Variants in DNMBP observed in about 807,000 individuals in gnomAD.
DNMBP encodes the protein dynamin-binding protein.
DNMBP carries 87 observed loss-of-function variants against 150.0 expected under a neutral mutation model. That is an observed-to-expected ratio of 0.58 (90% CI 0.49 to 0.69). DNMBP has a LOEUF of 0.69. Ranked by LOEUF, DNMBP falls within the 30% of genes least tolerant of loss-of-function variation. DNMBP has a pLI of 0.00. For missense variants in DNMBP, 1,774 were observed against 1,949.0 expected, an observed-to-expected ratio of 0.91 and a Z score of 1.69; for synonymous variants, 711 against 750.4, an observed-to-expected ratio of 0.95 and a Z score of 0.86.
chr10:99,936,962 G>C (rs111612040), intron 4 of DNMBP, among the ~76,000 whole-genome samples: 266 of 152,220 alleles, frequency 1.7e-3, no homozygotes, highest in African/African-American at 5.4e-3. Context: ...GCAGTGGCAT[G>C]ATCTTGGCTC....
intron 16 of DNMBP, 94 bp downstream of exon 16, chr10:99,879,717 G>T: frequency 6.4e-7 from 1 of 1,556,732 alleles, no homozygotes; most frequent in Non-Finnish European, 8.7e-7. Flanking sequence ...TCACCCCTAG[G>T]CCTCAGGCAA....
chr10:99,909,335 G>C (rs2133246680), intron 4 of DNMBP, among the ~76,000 whole-genome samples, 189 bp from the exon 5 acceptor site: 1 of 152,340 alleles, frequency 6.6e-6, no homozygotes, highest in Non-Finnish European at 1.5e-5. Flanking sequence ...TCACTGCAGA[G>C]AGAACTCCAA....
At chr10:99,883,202 T>C (rs1441018325) in intron 15 of DNMBP, among the ~76,000 whole-genome samples, 1 of 151,824 alleles carries the variant, frequency 6.6e-6, no homozygotes, top group African/African-American at 2.4e-5. Flanking sequence ...CAGATCAGTA[T>C]TATCCCTTGT....
intron 4 of DNMBP, among the ~76,000 whole-genome samples, chr10:99,937,971 T>C (rs2040252566): frequency 6.6e-6 from 1 of 152,240 alleles, no homozygotes; most frequent in Admixed American, 6.5e-5. Context: ...TTTCTGCTAA[T>C]AACCAGTTTT....
intron 11 of DNMBP, among the ~76,000 whole-genome samples, chr10:99,890,455 C>T (rs796775157): frequency 1.7e-4 from 26 of 152,258 alleles, no homozygotes; most frequent in African/African-American, 6.0e-4. Context: ...TTACATATAT[C>T]CCAACCCAAA....
intron 4 of DNMBP, among the ~76,000 whole-genome samples, chr10:99,931,263 T>C (rs1564736496): frequency 6.6e-6 from 1 of 152,110 alleles, no homozygotes; most frequent in East Asian, 1.9e-4. Context: ...GCACCTCCAT[T>C]CCCCATCCTC....
chr10:99,877,047 G>A lies in DNMBP; in HGVS notation c.*104C>T. On this transcript the variant is annotated 3_prime_UTR_variant, in exon 17 of 17. Transcript: ENST00000324109. Reference sequence around the variant, plus strand: ...CACCATGCCATGGTTAAGCAACGCAGACAGGGCCTGTGTCTCAGGAGCAGG... The same window carrying A: ...CACCATGCCATGGTTAAGCAACGCAAACAGGGCCTGTGTCTCAGGAGCAGG... 1 of 1,034,290 alleles carries A rather than the reference G, an allele frequency of 9.7e-7. No individual in the cohort carries two copies. Among genetic ancestry groups the A allele is most frequent in the African/African-American group, 1.6e-5 (1 of 61,878 alleles). The allele number at this position is 1,034,290 out of a possible 1,614,324, so 64.1% of individuals were successfully genotyped here. A position where few individuals can be genotyped will look rare whatever the true frequency, so the allele number is the denominator to read the frequency against.
chr10:99,931,785 G>A (rs1589425320), intron 4 of DNMBP, among the ~76,000 whole-genome samples: 1 of 152,158 alleles, frequency 6.6e-6, no homozygotes, highest in South Asian at 2.1e-4. Context: ...GAAGCAACAC[G>A]CTTAAAGAAA....
intron 1 of DNMBP, among the ~76,000 whole-genome samples, chr10:99,990,852 CAT>C (rs71009796): frequency 0.89 from 128,546 of 144,708 alleles, 57,093 homozygotes; most frequent in East Asian, 0.97. Context: ...CACACACACA[CAT>C]ATATATATAT....
At chr10:99,887,772 C>T (rs1292666373) in intron 12 of DNMBP, among the ~76,000 whole-genome samples, 1 of 152,172 alleles carries the variant, frequency 6.6e-6, no homozygotes, top group East Asian at 1.9e-4. Context: ...AGGGATTAAA[C>T]AATCCCATAT....
chr10:99,884,231 A>G (rs547356672), intron 14 of DNMBP, 22 bp from the exon 15 acceptor site: 3 of 1,600,872 alleles, frequency 1.9e-6, no homozygotes, highest in East Asian at 4.5e-5. Flanking sequence ...GACGTTAACA[A>G]AAATCTCTCA....
intron 6 of DNMBP, among the ~76,000 whole-genome samples, chr10:99,904,022 A>C (rs1249251549): frequency 1.3e-5 from 2 of 151,960 alleles, no homozygotes; most frequent in African/African-American, 4.8e-5. Flanking sequence ...TCGGCCTCCC[A>C]AAGTGTTGGG....
chr10:99,966,545 G>A (rs996990539), intron 3 of DNMBP, among the ~76,000 whole-genome samples: 1 of 152,184 alleles, frequency 6.6e-6, no homozygotes, highest in Non-Finnish European at 1.5e-5. Context: ...CAGCTCAGCG[G>A]AAGCCACTGT....
chr10:99,949,061 G>A lies in DNMBP; in HGVS notation c.2260+6153C>T, dbSNP rs76487793. ...TAGCTACACTAAAAACCTCACTGTG[G>A]GTCTGGCACAGCACTGGTCTGACAA... is the stretch of plus-strand genomic sequence containing the variant. On this transcript the variant is annotated intron_variant, in intron 4 of 16. Transcript: ENST00000324109. Among the ~76,000 whole-genome samples, 1,234 of 152,110 alleles carry A rather than the reference G, an allele frequency of 8.1e-3. 18 individuals carry two copies. Among genetic ancestry groups the A allele is most frequent in the African/African-American group, 0.028 (1,181 of 41,480 alleles).
intron 4 of DNMBP, among the ~76,000 whole-genome samples, chr10:99,946,581 C>CA (rs1263917309): frequency 1.3e-5 from 2 of 152,126 alleles, no homozygotes; most frequent in African/African-American, 4.8e-5. Context: ...ACTGGACTTC[C>CA]ATCTCTCACC....
chr10:99,906,190 T>C lies in DNMBP; in HGVS notation c.2554+1805A>G, dbSNP rs575715347. Among the ~76,000 whole-genome samples the C allele has an allele frequency of 2.0e-5, 3 of 152,258 alleles. No homozygotes were observed. In the East Asian group the frequency reaches 5.8e-4, roughly 29 times the overall value. On this transcript the variant is annotated intron_variant, in intron 6 of 16. Transcript: ENST00000324109. ...TTTTCTCCCAGGTGAGTCAGGTAAATTCCATCTAGTGTAAGCCAGTGTCAT... is the reference window on the plus strand; with the variant it reads ...TTTTCTCCCAGGTGAGTCAGGTAAACTCCATCTAGTGTAAGCCAGTGTCAT...
At chr10:99,997,929 A>C (rs2040966560) in intron 1 of DNMBP, among the ~76,000 whole-genome samples, 1 of 133,738 alleles carries the variant, frequency 7.5e-6, no homozygotes, top group African/African-American at 3.2e-5. Flanking sequence ...CTCTGTCTCA[A>C]AAAAAAAAAA....
intron 3 of DNMBP, among the ~76,000 whole-genome samples, chr10:99,961,261 CTTTTT>C (rs2040560288): frequency 5.3e-5 from 7 of 132,282 alleles, no homozygotes; most frequent in African/African-American, 1.5e-4. Flanking sequence ...TATTTCTTCC[CTTTTT>C]CTTTTTTTTT....
intron 15 of DNMBP, among the ~76,000 whole-genome samples, chr10:99,881,357 T>C (rs2039364959): frequency 6.6e-6 from 1 of 152,144 alleles, no homozygotes; most frequent in Non-Finnish European, 1.5e-5. Flanking sequence ...GGAAACTGTT[T>C]GTTAGAATAT....
Sources: allele counts gnomAD v4.1 joint callset (sites outside exome capture counted in the v4.1 genomes callset), GRCh38; gene constraint gnomAD v4.1.1; transcripts MANE v1.5; gene names NCBI Gene and HGNC (gene_info 2026-07-23, HGNC 2026-07-21).